The following NRG3 variants were observed in gnomAD, a reference collection of about 807,000 sequenced individuals.
NRG3 encodes the protein pro-neuregulin-3, membrane-bound isoform.
In NRG3, 31 loss-of-function variants were observed where a neutral mutation model predicts 66.9. The ratio of observed to expected loss-of-function variants is 0.46; its 90% CI spans 0.35 to 0.63. The LOEUF (loss-of-function observed/expected upper bound fraction) is 0.63, where lower values mean the gene tolerates loss of function less well. Among genes scored for constraint, NRG3 ranks in the 20% least tolerant of loss-of-function variants. The probability of loss-of-function intolerance (pLI) is 0.00; values close to 1 mark genes in which losing one functional copy is unlikely to be tolerated. For synonymous variants in NRG3, 393 were observed against 359.4 expected (o/e 1.09, Z -1.06); for missense variants, 910 against 878.9 (o/e 1.04, Z -0.45).
At chr10:82,293,429 C>T (rs924541644) in intron 1 of NRG3, among the ~76,000 whole-genome samples, 1 of 152,072 alleles carries the variant, frequency 6.6e-6, no homozygotes, top group Admixed American at 6.6e-5. Context: ...TATTATTGAG[C>T]CATCATGAAA....
intron 2 of NRG3, among the ~76,000 whole-genome samples, chr10:82,646,687 C>T (rs1434485491): frequency 2.0e-5 from 3 of 152,090 alleles, no homozygotes; most frequent in Admixed American, 2.0e-4. Context: ...TTTGCCAGAG[C>T]AAGAGACAGA....
intron 2 of NRG3, among the ~76,000 whole-genome samples, chr10:82,468,631 A>T (rs1840925621): frequency 2.0e-5 from 3 of 152,164 alleles, no homozygotes; most frequent in African/African-American, 4.8e-5. Flanking sequence ...CTAGGCAGAG[A>T]ATTATGTGAG....
chr10:82,968,906 G>T (rs1250987787), intron 6 of NRG3, among the ~76,000 whole-genome samples: 1 of 152,210 alleles, frequency 6.6e-6, no homozygotes. Flanking sequence ...GGTGGAAGGT[G>T]GAAAGCACGT....
chr10:81,944,180 A>G (rs1424228791), intron 1 of NRG3, among the ~76,000 whole-genome samples: 1 of 152,260 alleles, frequency 6.6e-6, no homozygotes, highest in Non-Finnish European at 1.5e-5. Flanking sequence ...AAGTAAGCAG[A>G]CAAAAAGAAA....
intron 1 of NRG3, among the ~76,000 whole-genome samples, chr10:82,084,496 T>C (rs1313509772): frequency 1.8e-5 from 2 of 113,208 alleles, no homozygotes; most frequent in African/African-American, 6.8e-5. Flanking sequence ...TTGGGACATA[T>C]ATGAGATTTT....
intron 3 of NRG3, among the ~76,000 whole-genome samples, chr10:82,844,873 G>A (rs2063231544): frequency 6.6e-6 from 1 of 152,114 alleles, no homozygotes; most frequent in Non-Finnish European, 1.5e-5. Flanking sequence ...GGGCTTCACA[G>A]GCCAGGAGTG....
chr10:82,838,729 T>TAC (rs935138523), intron 3 of NRG3, among the ~76,000 whole-genome samples: 7 of 152,194 alleles, frequency 4.6e-5, no homozygotes, highest in African/African-American at 1.7e-4. Flanking sequence ...TATATACATA[T>TAC]ACACACACAC....
chr10:82,575,978 G>T (rs756373776), intron 2 of NRG3, among the ~76,000 whole-genome samples: 2 of 151,666 alleles, frequency 1.3e-5, no homozygotes, highest in Non-Finnish European at 2.9e-5. Flanking sequence ...AATGTTCTGA[G>T]AGTCATCTTC....
chr10:82,327,128 A>G (rs1431415950), intron 1 of NRG3, among the ~76,000 whole-genome samples: 1 of 152,176 alleles, frequency 6.6e-6, no homozygotes, highest in Non-Finnish European at 1.5e-5. Context: ...AACAAACAAG[A>G]ACAAGAACCA....
intron 2 of NRG3, among the ~76,000 whole-genome samples, chr10:82,579,830 G>T (rs2046247481): frequency 6.6e-6 from 1 of 151,912 alleles, no homozygotes; most frequent in Non-Finnish European, 1.5e-5. Flanking sequence ...AGTAATCATT[G>T]GGAAAAAATC....
intron 1 of NRG3, among the ~76,000 whole-genome samples, chr10:82,256,350 T>C (rs766364637): frequency 6.6e-6 from 1 of 152,202 alleles, no homozygotes; most frequent in Admixed American, 6.5e-5. Context: ...GATGCCTTTG[T>C]TGTTGCTTTC....
chr10:82,224,445 C>T (rs1564682049), intron 1 of NRG3: 1 of 152,132 alleles, frequency 6.6e-6, no homozygotes, highest in African/African-American at 2.4e-5. Flanking sequence ...AGTAGTATAG[C>T]TGTGTTCATG....
chr10:82,484,762 G>T (rs995493888), intron 2 of NRG3, among the ~76,000 whole-genome samples: 2 of 152,180 alleles, frequency 1.3e-5, no homozygotes, highest in Non-Finnish European at 2.9e-5. Context: ...TCCTAGTACA[G>T]TCACAATGTT....
At chr10:82,708,316 A>G (rs1007073044) in intron 2 of NRG3, among the ~76,000 whole-genome samples, 1 of 151,982 alleles carries the variant, frequency 6.6e-6, no homozygotes, top group East Asian at 1.9e-4. Context: ...TTTCTTTCCA[A>G]CATGTATTTT....
intron 2 of NRG3, among the ~76,000 whole-genome samples, chr10:82,484,170 T>G (rs1842499123): frequency 6.6e-6 from 1 of 152,190 alleles, no homozygotes; most frequent in Non-Finnish European, 1.5e-5. Flanking sequence ...CTGGGATACA[T>G]ATGGATATTT....
At chr10:82,955,833 C>A (rs981238842) in intron 5 of NRG3, among the ~76,000 whole-genome samples, 1 of 151,878 alleles carries the variant, frequency 6.6e-6, no homozygotes, top group Non-Finnish European at 1.5e-5. Context: ...GAAGAGTCAC[C>A]TTTCTCAATC....
chr10:82,603,483 G>A (rs1323000021), intron 2 of NRG3, among the ~76,000 whole-genome samples: 2 of 152,148 alleles, frequency 1.3e-5, no homozygotes, highest in Non-Finnish European at 2.9e-5. Context: ...CAATTGAGCG[G>A]AAACATGTGG....
intron 4 of NRG3, among the ~76,000 whole-genome samples, chr10:82,893,185 C>G (rs1233527244): frequency 6.6e-6 from 1 of 152,030 alleles, no homozygotes; most frequent in Admixed American, 6.6e-5. Flanking sequence ...ATCATTTATA[C>G]AAATAACAAC....
At chr10:82,779,055 G>A (rs2060017164) in intron 3 of NRG3, among the ~76,000 whole-genome samples, 1 of 152,076 alleles carries the variant, frequency 6.6e-6, no homozygotes, top group African/African-American at 2.4e-5. Flanking sequence ...TGTTCCTGGG[G>A]CAGGGCATAC....
Sources: allele counts gnomAD v4.1 joint callset (sites outside exome capture counted in the v4.1 genomes callset), GRCh38; gene constraint gnomAD v4.1.1; transcripts MANE v1.5; gene names NCBI Gene and HGNC (gene_info 2026-07-23, HGNC 2026-07-21).